FBN1: variants seen among roughly 807,000 people sequenced by gnomAD.
The protein encoded by FBN1 is fibrillin 1.
Under a neutral mutation model 365.1 loss-of-function variants are expected in FBN1, and 29 were observed. The ratio of observed to expected loss-of-function variants is 0.08; its 90% CI spans 0.06 to 0.11. The LOEUF is 0.11. Among genes scored for constraint, FBN1 ranks in the 10% least tolerant of loss-of-function variants. FBN1 has a pLI of 1.00. For synonymous variants in FBN1, 1,210 were observed against 1,270.5 expected, an observed-to-expected ratio of 0.95 and a Z score of 1.01; for missense variants, 2,476 against 3,703.2, an observed-to-expected ratio of 0.67 and a Z score of 8.60.
rs1230170639 is a variant in FBN1, at chr15:48,488,050, T to G, written c.3337+63A>C. 3.1e-6 allele frequency: 5 copies of G among 1,607,512 alleles called. No individual in the cohort carries two copies. The African/African-American group carries it at 4.0e-5, about 13-fold the overall frequency. On this transcript the variant is annotated intron_variant, in intron 27 of 65. Coordinates refer to ENST00000316623, the MANE Select transcript of FBN1 (RefSeq NM_000138.5). ...CAGGAAGAACCTGGAACATAGGCTA[T>G]GAGCCATCAAAGCTTCATGGAATCC... is the stretch of plus-strand genomic sequence containing the variant.
intron 40 of FBN1, among the ~76,000 whole-genome samples, chr15:48,464,898 T>C (rs967723980): frequency 3.4e-4 from 52 of 152,220 alleles, no homozygotes; most frequent in Admixed American, 2.1e-3. Flanking sequence ...GTTCAACTAA[T>C]ACTCAATAAG....
intron 12 of FBN1, among the ~76,000 whole-genome samples, chr15:48,515,133 T>C (rs950686449): frequency 1.3e-5 from 2 of 152,186 alleles, no homozygotes; most frequent in African/African-American, 2.4e-5. Flanking sequence ...CAGCTGCTAG[T>C]AGCTGAAAAA....
In FBN1 at chr15:48,509,858, T is replaced by C. The variant is rs571864516; in HGVS notation, c.1714+186A>G. Among the ~76,000 whole-genome samples, 8 of 152,316 alleles carry C rather than the reference T, an allele frequency of 5.3e-5. No homozygotes were observed. In the South Asian group the frequency reaches 1.7e-3, roughly 32 times the overall value. ...CAAGCTCTCCTAGCATATTAAAATG[T>C]TATTTGATTCACACAAATGTAAATT... On this transcript the variant is annotated intron_variant, in intron 14 of 65. Coordinates refer to ENST00000316623, the MANE Select transcript of FBN1 (RefSeq NM_000138.5).
intron 6 of FBN1, among the ~76,000 whole-genome samples, chr15:48,558,185 T>C (rs1010078797): frequency 1.3e-5 from 2 of 152,222 alleles, no homozygotes; most frequent in African/African-American, 4.8e-5. Context: ...TGTATTTCTC[T>C]GCACACACCT....
chr15:48,481,080 TAACAGAC>T lies in FBN1; in HGVS notation c.3964+568_3964+574del, dbSNP rs1394245332. 2.0e-5 allele frequency among the ~76,000 whole-genome samples: 3 copies of T among 152,320 alleles called. No homozygotes were observed. In the East Asian group the frequency reaches 5.8e-4, roughly 29 times the overall value. ...AAAACATTTTCTCATGTGCTATTGG[TAACAGAC>T]AACATTGCAAATGGTTTCATTATCA... On this transcript the variant is annotated intron_variant, in intron 32 of 65. Transcript: ENST00000316623.
At chr15:48,625,665 T>C (rs954623198) in intron 2 of FBN1, among the ~76,000 whole-genome samples, 1 of 152,202 alleles carries the variant, frequency 6.6e-6, no homozygotes, top group Non-Finnish European at 1.5e-5. Context: ...TAACATAAAA[T>C]CAGTATCCTG....
intron 6 of FBN1, among the ~76,000 whole-genome samples, chr15:48,589,661 T>G (rs2044462248): frequency 7.1e-6 from 1 of 141,660 alleles, no homozygotes; most frequent in Non-Finnish European, 1.5e-5. Context: ...TCGCCCAGGC[T>G]GGAGTGCAGT....
At chr15:48,555,934 G>A (rs1334382258) in intron 6 of FBN1, among the ~76,000 whole-genome samples, 1 of 152,126 alleles carries the variant, frequency 6.6e-6, no homozygotes, top group African/African-American at 2.4e-5. Context: ...GGGGGTTTCT[G>A]AAAGAAACTT....
chr15:48,553,790 T>C (rs551921532), intron 6 of FBN1, among the ~76,000 whole-genome samples: 7 of 152,310 alleles, frequency 4.6e-5, no homozygotes, highest in South Asian at 2.1e-4. Flanking sequence ...GGAAATTCCA[T>C]AATTATGAGC....
At chr15:48,435,629 C>G (rs2043059459) in intron 53 of FBN1, among the ~76,000 whole-genome samples, 2 of 150,794 alleles carry the variant, frequency 1.3e-5, no homozygotes, top group Non-Finnish European at 2.9e-5. Flanking sequence ...CTCTAAAACA[C>G]AGGCGGAGAG....
chr15:48,644,479 T>C (rs893532787), intron 2 of FBN1, 127 bp downstream of exon 2: 2 of 1,338,742 alleles, frequency 1.5e-6, no homozygotes, highest in Admixed American at 1.7e-5. Flanking sequence ...TAAACAACCC[T>C]AGCACCTCTA....
chr15:48,462,918 G>C (rs914630758), intron 42 of FBN1, among the ~76,000 whole-genome samples, 164 bp downstream of exon 42: 1 of 152,184 alleles, frequency 6.6e-6, no homozygotes, highest in Non-Finnish European at 1.5e-5. Flanking sequence ...TCAGTGTTCG[G>C]CTGGAATGAC....
Position 48,452,694 on chromosome 15 carries a change from G to A in FBN1, c.5423-10C>T. On this transcript the variant is annotated splice_polypyrimidine_tract_variant and intron_variant, in intron 44 of 65. Coordinates refer to ENST00000316623, the MANE Select transcript of FBN1 (RefSeq NM_000138.5). Reference sequence around the variant, plus strand: ...TGACACTCGTCAATATCTACGAGCAGAAGAGAACTGAATTTGAAGGAGAAC... The same window carrying A: ...TGACACTCGTCAATATCTACGAGCAAAAGAGAACTGAATTTGAAGGAGAAC... 2 of 1,613,792 alleles carry A rather than the reference G, an allele frequency of 1.2e-6. No individual in the cohort carries two copies. The highest frequency in any genetic ancestry group is 1.1e-5 in the South Asian group (1 of 91,058).
At chr15:48,486,557 T>C (rs1392962873) in intron 29 of FBN1, among the ~76,000 whole-genome samples, 2 of 152,362 alleles carry the variant, frequency 1.3e-5, no homozygotes, top group East Asian at 3.9e-4. Context: ...ATAGCCTCAA[T>C]TGCAGTGTAA....
chr15:48,488,067 A>G (rs751119305), intron 27 of FBN1, 46 bp downstream of exon 27: 31 of 1,613,394 alleles, frequency 1.9e-5, no homozygotes, highest in South Asian at 1.1e-5. Context: ...TCAAAGCTTC[A>G]TGGAATCCTT....
Position 48,534,179 on chromosome 15 carries a change from C to T in FBN1, c.763G>A (p.Gly255Arg), listed in dbSNP as rs781113082. The T allele has an allele frequency of 9.3e-6, 15 of 1,612,908 alleles. No homozygotes were observed. In the South Asian group the frequency reaches 9.9e-5, roughly 11 times the overall value. The change falls in exon 8 of 66, where the codon GGG becomes AGG. Residue 255 changes from glycine (G) to arginine (R), a missense_variant. Around this residue, in one of 5 missense-constraint regions of FBN1, gnomAD observed 421 missense variants for 520.1 expected, o/e 0.81. Transcript: ENST00000316623. ...QDVDECQAIPGLCQGGNCINT... is the reference protein window; with the variant it reads ...QDVDECQAIPRLCQGGNCINT... ...ATGCAATTTCCTCCCTGACAGAGCCCGGGGATGGCCTGGCATTCATCCACA... is the reference window on the plus strand; with the variant it reads ...ATGCAATTTCCTCCCTGACAGAGCCTGGGGATGGCCTGGCATTCATCCACA...
intron 2 of FBN1, among the ~76,000 whole-genome samples, chr15:48,638,159 C>G (rs1890129082): frequency 6.6e-6 from 1 of 152,002 alleles, no homozygotes; most frequent in African/African-American, 2.4e-5. Context: ...CTCAGCCTCC[C>G]AAAGCACTGG....
intron 6 of FBN1, among the ~76,000 whole-genome samples, chr15:48,592,906 G>C (rs1334345443): frequency 2.6e-5 from 4 of 152,150 alleles, no homozygotes; most frequent in Non-Finnish European, 4.4e-5. Context: ...ATAAGCCACA[G>C]GTCTCTATTT....
intron 25 of FBN1, among the ~76,000 whole-genome samples, chr15:48,489,360 T>C (rs1366205152): frequency 6.6e-6 from 1 of 152,050 alleles, no homozygotes; most frequent in African/African-American, 2.4e-5. Context: ...AAGATCTCAT[T>C]AATATAATTT....
Sources: allele counts gnomAD v4.1 joint callset (sites outside exome capture counted in the v4.1 genomes callset), GRCh38; gene constraint gnomAD v4.1.1; regional missense constraint gnomAD v4.1.1; transcripts MANE v1.5; gene names NCBI Gene and HGNC (gene_info 2026-07-23, HGNC 2026-07-21).